Variants in SLC25A29 observed in about 807,000 individuals in gnomAD.
SLC25A29 encodes solute carrier family 25 member 29.
In SLC25A29, 13 loss-of-function variants were observed where a neutral mutation model predicts 10.0. The ratio of observed to expected loss-of-function variants is 1.30; its 90% CI spans 0.85 to 2.07. The LOEUF is 2.07. Ranked by LOEUF, SLC25A29 falls within the 30% of genes most tolerant of loss-of-function variation. The probability of loss-of-function intolerance (pLI) is 0.00; values close to 1 mark genes in which losing one functional copy is unlikely to be tolerated. For missense variants in SLC25A29, 475 were observed against 447.6 expected (o/e 1.06, Z -0.55); for synonymous variants, 244 against 221.1 (o/e 1.10, Z -0.92).
chr14:100,300,046 A>G, intron 1 of SLC25A29: 1 of 742,644 alleles, frequency 1.3e-6, no homozygotes, highest in South Asian at 6.1e-5. Flanking sequence ...CAAGGTGGGC[A>G]GATCACTTGA....
downstream of SLC25A29, among the ~76,000 whole-genome samples, chr14:100,289,460 G>A (rs55986243): frequency 0.013 from 1,961 of 152,294 alleles, 46 homozygotes; most frequent in African/African-American, 0.045. Context: ...CCTGGGAGGT[G>A]GAAGGAGGTT....
At position 100,306,144 on chromosome 14, in the gene SLC25A29, G is replaced by C. The variant is rs1892930784; in HGVS notation, c.34+55C>G. The C allele has an allele frequency of 4.5e-6, 6 of 1,329,888 alleles. No homozygotes were observed. The South Asian group carries it at 7.6e-5, about 17-fold the overall frequency. The allele number at this position is 1,329,888 out of a possible 1,614,324, so 82.4% of individuals were successfully genotyped here. A position where few individuals can be genotyped will look rare whatever the true frequency, so the allele number is the denominator to read the frequency against. ...CGAGGCCAGGGCGTGCTGGTGGGCC[G>C]ACCTCCCTCCCCGGACGCCTCGCCC... On this transcript the variant is annotated intron_variant, in intron 1 of 3. Coordinates refer to ENST00000359232, the MANE Select transcript of SLC25A29 (RefSeq NM_001039355.3).
chr14:100,287,628 AC>A (rs1171229559), downstream of SLC25A29, among the ~76,000 whole-genome samples: 3 of 62,168 alleles, frequency 4.8e-5, no homozygotes, highest in African/African-American at 1.8e-4. Flanking sequence ...CTGGAGCACC[AC>A]CCCCCCCCTC....
chr14:100,286,477 G>GGA (rs1555371675), downstream of SLC25A29, among the ~76,000 whole-genome samples: 17 of 150,140 alleles, frequency 1.1e-4, 2 homozygotes, highest in African/African-American at 4.1e-4. Flanking sequence ...GGCTGGGGGG[G>GGA]GGGGTGTTGC....
At chr14:100,279,169 A>G in the SLC25A29 span, 1 of 152,240 alleles carries the variant, frequency 6.6e-6, no homozygotes, top group Non-Finnish European at 1.5e-5. Flanking sequence ...AGACTTGAGA[A>G]TACTTTATAA....
At chr14:100,284,869 C>T in the SLC25A29 span, among the ~76,000 whole-genome samples, 58 of 152,146 alleles carry the variant, frequency 3.8e-4, no homozygotes, top group African/African-American at 1.3e-3. Context: ...GAGAAACCTC[C>T]TCCCTACTAA....
chr14:100,292,988 G>A lies in SLC25A29; in HGVS notation c.207C>T (p.Leu69=), dbSNP rs1464499419. The change falls in exon 4 of 4, where the codon CTC becomes CTT. Residue 69 remains leucine (L), a synonymous_variant. Transcript: ENST00000359232. The part of the protein sequence containing the change: ...YKGLGSPLMG[L]TFINALVFGV... ...CGAACACCAGCGCGTTGATGAAGGT[G>A]AGCCCCATGAGCGGCGAGCCCAGGC... 3 of 1,588,686 alleles carry A rather than the reference G, an allele frequency of 1.9e-6. No homozygotes were observed. The highest frequency in any genetic ancestry group is 1.7e-6 in the Non-Finnish European group (2 of 1,168,206).
chr14:100,304,720 C>A (rs547781648), intron 1 of SLC25A29, among the ~76,000 whole-genome samples: 1 of 152,332 alleles, frequency 6.6e-6, no homozygotes, highest in South Asian at 2.1e-4. Context: ...GGAGGCTGCG[C>A]GAGCGACGTG....
chr14:100,286,264 T>C (rs1325440214), downstream of SLC25A29, among the ~76,000 whole-genome samples: 1 of 151,876 alleles, frequency 6.6e-6, no homozygotes, highest in Non-Finnish European at 1.5e-5. Context: ...GGAGCTAAGG[T>C]AGAGGTTGGG....
chr14:100,305,215 C>T (rs904072571), intron 1 of SLC25A29: 3 of 151,560 alleles, frequency 2.0e-5, no homozygotes, highest in African/African-American at 7.3e-5. Flanking sequence ...AGATTTAATA[C>T]TTAAGGCCAC....
Position 100,292,992 on chromosome 14 carries a change from C to A in SLC25A29, c.203G>T (p.Gly68Val). The A allele has an allele frequency of 6.3e-7, 1 of 1,588,498 alleles. No homozygotes were observed. The part of the protein sequence containing the change: ...LYKGLGSPLM[G>V]LTFINALVFG... ...CACCAGCGCGTTGATGAAGGTGAGC[C>A]CCATGAGCGGCGAGCCCAGGCCCTT... The change falls in exon 4 of 4, where the codon GGG (glycine) becomes GTG (valine). Residue 68 changes from glycine (G) to valine (V), a missense_variant. Gly to Val is a moderately radical substitution (Grantham distance 109, BLOSUM62 -3). Coordinates refer to ENST00000359232, the MANE Select transcript of SLC25A29 (RefSeq NM_001039355.3).
downstream of SLC25A29, among the ~76,000 whole-genome samples, chr14:100,289,212 T>C (rs1418191551): frequency 6.6e-6 from 1 of 152,212 alleles, no homozygotes; most frequent in Non-Finnish European, 1.5e-5. Context: ...CAGAGGACAC[T>C]TGGCTATTGT....
intron 2 of SLC25A29, 160 bp from the exon 3 acceptor site, chr14:100,293,537 T>C: frequency 1.6e-6 from 1 of 621,154 alleles, no homozygotes; most frequent in Non-Finnish European, 2.8e-6. Flanking sequence ...GCCGGGTATC[T>C]ATGCCTTCTC....
In SLC25A29 at chr14:100,306,305, C is replaced by T. The variant is rs1892950826; in HGVS notation, c.-73G>A. The T allele has an allele frequency of 7.7e-7, 1 of 1,298,650 alleles. No homozygotes were observed. Among genetic ancestry groups the T allele is most frequent in the Non-Finnish European group, 9.8e-7 (1 of 1,024,526 alleles). 80.4% of individuals were successfully genotyped at this position (1,298,650 alleles called of 1,614,324 possible). A position where few individuals can be genotyped will look rare whatever the true frequency, so the allele number is the denominator to read the frequency against. ...GGCCCCTCGCCGGGCTGGGCGCCGT[C>T]GGGGTCCCCGAGCGCGCGGTGCCGG... is the stretch of plus-strand genomic sequence containing the variant. On this transcript the variant is annotated 5_prime_UTR_variant, in exon 1 of 4. Transcript: ENST00000359232.
downstream of SLC25A29, among the ~76,000 whole-genome samples, chr14:100,288,578 A>ACCCCCCTCCCCCCCCCCCCCCC (rs1891592824): frequency 2.2e-5 from 3 of 139,086 alleles, no homozygotes; most frequent in South Asian, 2.3e-4. Context: ...GCCCTGCCTC[A>ACCCCCCTCCCCCCCCCCCCCCC]CCCCCCTCCC....
chr14:100,294,203 G>C (rs1891984949), intron 2 of SLC25A29: 1 of 152,272 alleles, frequency 6.6e-6, no homozygotes, highest in Non-Finnish European at 1.5e-5. Context: ...GCAGTTATGA[G>C]TTAATAGAGT....
chr14:100,292,034 G>T lies in SLC25A29; in HGVS notation c.*249C>A. On this transcript the variant is annotated 3_prime_UTR_variant, in exon 4 of 4. Transcript: ENST00000359232. ...TCAGCCAGGCCAGGTGCTGGCTGCT[G>T]CTGGGAATAATCTCTGAGCTTCGTG... The T allele has an allele frequency of 1.9e-6, 1 of 522,200 alleles. No individual in the cohort carries two copies. Among genetic ancestry groups the T allele is most frequent in the South Asian group, 2.1e-5 (1 of 47,180 alleles). The allele number at this position is 522,200 out of a possible 1,614,324, so 32.3% of individuals were successfully genotyped here. A position where few individuals can be genotyped will look rare whatever the true frequency, so the allele number is the denominator to read the frequency against.
Position 100,300,968 on chromosome 14 carries a change from C to G in SLC25A29, c.35-2083G>C, listed in dbSNP as rs148151480. ...AGGCTGGAGTGTAGTGTTGCGGTCTCGGCTCACTGCAAGCTCCACCTCCCG... is the reference window on the plus strand; with the variant it reads ...AGGCTGGAGTGTAGTGTTGCGGTCTGGGCTCACTGCAAGCTCCACCTCCCG... On this transcript the variant is annotated intron_variant, in intron 1 of 3. Coordinates refer to ENST00000359232, the MANE Select transcript of SLC25A29 (RefSeq NM_001039355.3). Among the ~76,000 whole-genome samples, 1,143 of 151,956 alleles carry G rather than the reference C, an allele frequency of 7.5e-3. 18 individuals carry two copies. The highest frequency in any genetic ancestry group is 0.026 in the African/African-American group (1,088 of 41,434).
At chr14:100,283,944 C>G in the SLC25A29 span, among the ~76,000 whole-genome samples, 22 of 152,162 alleles carry the variant, frequency 1.4e-4, no homozygotes, top group South Asian at 4.2e-4. Context: ...TGCAGTGGCA[C>G]GACCATAGCT....
Sources: gnomAD v4.1 joint callset for allele counts (sites outside exome capture counted in the v4.1 genomes callset) on GRCh38, gnomAD v4.1.1 for gene constraint, MANE v1.5 for transcripts, NCBI Gene and HGNC (gene_info 2026-07-23, HGNC 2026-07-21) for gene names.